HYOU1: variants seen among roughly 807,000 people sequenced by gnomAD.
HYOU1 encodes the protein hypoxia up-regulated protein 1.
A neutral mutation model predicts 120.5 loss-of-function variants in HYOU1; 40 were observed. The observed-to-expected ratio is 0.33, with a 90% CI of 0.26 to 0.43. The LOEUF (loss-of-function observed/expected upper bound fraction) is 0.43, where lower values mean the gene tolerates loss of function less well. Among genes scored for constraint, HYOU1 ranks in the 20% least tolerant of loss-of-function variants. The pLI, the probability that HYOU1 is intolerant of heterozygous loss-of-function variation, is 1.00. For synonymous variants in HYOU1, 501 were observed against 479.4 expected (o/e 1.05, Z -0.59); for missense variants, 1,085 against 1,278.3 (o/e 0.85, Z 2.31).
chr11:119,054,910 C>T (rs1473116035), intron 6 of HYOU1, 74 bp downstream of exon 6: 5 of 1,479,868 alleles, frequency 3.4e-6, no homozygotes, highest in South Asian at 1.2e-5. Context: ...GGGAGGCAAA[C>T]TTGCCCCTGT....
rs998070131 is a variant in HYOU1 at position 119,044,760 on chromosome 11, G to A, written c.*833C>T. On this transcript the variant is annotated 3_prime_UTR_variant, in exon 26 of 26. Transcript: ENST00000617285. ...GAGAGGAGGAGGCAGGGAGTTACAGGAACCTGGGGTACCAGGCTGCTGGGA... is the reference window on the plus strand; with the variant it reads ...GAGAGGAGGAGGCAGGGAGTTACAGAAACCTGGGGTACCAGGCTGCTGGGA... 16 of 200,776 alleles carry A rather than the reference G, an allele frequency of 8.0e-5. No homozygotes were observed. Among genetic ancestry groups the A allele is most frequent in the Non-Finnish European group, 1.5e-4 (14 of 93,954 alleles). The allele number at this position is 200,776 out of a possible 1,614,324, so 12.4% of individuals were successfully genotyped here.
rs1463209353 is a variant in HYOU1 at position 119,051,179 on chromosome 11, T to G, written c.1527-6A>C. 6 of 1,614,202 alleles carry G rather than the reference T, an allele frequency of 3.7e-6. No homozygotes were observed. In the South Asian group the frequency reaches 4.4e-5, roughly 12 times the overall value. On this transcript the variant is annotated splice_polypyrimidine_tract_variant and splice_region_variant and intron_variant, in intron 13 of 25. Coordinates refer to ENST00000617285, the MANE Select transcript of HYOU1 (RefSeq NM_006389.5). This position sits in a 1 kb window ranked among gnomAD's most constrained non-coding sequence, Gnocchi z 4.2. ...GATTCTGGGAGCCAAATACCCTGGT[T>G]GGGAAGGAAAGAGGAGTTCAGGGGG...
Position 119,049,932 on chromosome 11 carries a change from T to G in HYOU1, c.1666-95A>C, listed in dbSNP as rs1400402573. 7 of 1,101,516 alleles carry G rather than the reference T, an allele frequency of 6.4e-6. No homozygotes were observed. The Admixed American group carries it at 8.4e-5, about 13-fold the overall frequency. 68.2% of individuals were successfully genotyped at this position (1,101,516 alleles called of 1,614,324 possible). A position where few individuals can be genotyped will look rare whatever the true frequency, so the allele number is the denominator to read the frequency against. ...TGGGTGTTTGCTTATGCACACTCCA[T>G]GCCGTCACAGGCCTAGTCTCTCACC... On this transcript the variant is annotated intron_variant, in intron 14 of 25. Transcript: ENST00000617285.
In HYOU1 at chr11:119,056,171, G is replaced by A; in HGVS notation, c.-7-4C>T. ...AACTTTGTCTGCCATAGTGCCCCTG[G>A]GGGAGGCGAAGAAAGAAAACACTTA... On this transcript the variant is annotated splice_region_variant and splice_polypyrimidine_tract_variant and intron_variant, in intron 1 of 25. Transcript: ENST00000617285. 2 of 1,609,358 alleles carry A rather than the reference G, an allele frequency of 1.2e-6. No individual in the cohort carries two copies. The highest frequency in any genetic ancestry group is 1.7e-6 in the Non-Finnish European group (2 of 1,176,462).
At position 119,050,947 on chromosome 11, in the gene HYOU1, T is replaced by C. The variant is rs1470548574; in HGVS notation, c.1665+88A>G. The C allele has an allele frequency of 2.7e-6, 4 of 1,498,870 alleles. No individual in the cohort carries two copies. In the Admixed American group the frequency reaches 6.0e-5, roughly 22 times the overall value. 92.8% of individuals were successfully genotyped at this position (1,498,870 alleles called of 1,614,324 possible). A position where few individuals can be genotyped will look rare whatever the true frequency, so the allele number is the denominator to read the frequency against. On this transcript the variant is annotated intron_variant, in intron 14 of 25. Transcript: ENST00000617285. ...ATTCCTAAACCTTTTTTGGTTATCT[T>C]ATCCTAATGCCATGTGGAACCCACT...
At chr11:119,053,830 A>G (rs554100401) in intron 8 of HYOU1, 1 of 289,582 alleles carries the variant, frequency 3.5e-6, no homozygotes, top group Non-Finnish European at 6.4e-6. Flanking sequence ...TGGAAATGAC[A>G]AGAGAACAAA....
Position 119,054,968 on chromosome 11 carries a change from C to T in HYOU1, c.496+16G>A, listed in dbSNP as rs2133609104. ...CTGGGGAGCCTGGCCCTAAGGGCCC[C>T]ACCTTGACCACTCACCTGCAAAATC... is the stretch of plus-strand genomic sequence containing the variant. On this transcript the variant is annotated intron_variant, in intron 6 of 25. Transcript: ENST00000617285. 6.2e-7 allele frequency: 1 copy of T among 1,612,964 alleles called. No individual in the cohort carries two copies. The highest frequency in any genetic ancestry group is 1.1e-5 in the South Asian group (1 of 91,074).
In HYOU1 at chr11:119,050,954, A is replaced by C. The variant is rs1257225620; in HGVS notation, c.1665+81T>G. ...AACCTTTTTTGGTTATCTTATCCTA[A>C]TGCCATGTGGAACCCACTTTGGAAA... On this transcript the variant is annotated intron_variant, in intron 14 of 25. Transcript: ENST00000617285. The C allele has an allele frequency of 8.5e-6, 13 of 1,535,106 alleles. No individual in the cohort carries two copies. In the Admixed American group the frequency reaches 2.4e-4, roughly 28 times the overall value.
chr11:119,050,974 T>C (rs1944406105), intron 14 of HYOU1, 61 bp downstream of exon 14: 1 of 1,592,398 alleles, frequency 6.3e-7, no homozygotes, highest in African/African-American at 1.3e-5. Context: ...GAACCCACTT[T>C]GGAAATGGCT....
In HYOU1 at chr11:119,046,907, A is replaced by G. The variant is rs2133554314; in HGVS notation, c.2596-105T>C. 2.1e-6 allele frequency: 3 copies of G among 1,429,320 alleles called. No homozygotes were observed. The East Asian group carries it at 6.8e-5, about 33-fold the overall frequency. The allele number at this position is 1,429,320 out of a possible 1,614,324, so 88.5% of individuals were successfully genotyped here. A position where few individuals can be genotyped will look rare whatever the true frequency, so the allele number is the denominator to read the frequency against. On this transcript the variant is annotated intron_variant, in intron 22 of 25. Transcript: ENST00000617285. ...AACCAGCCTCTTCCCTCAGACTGCA[A>G]ATCACTGCCACCCCTGGCCTCAGCC...
intron 24 of HYOU1, 76 bp from the exon 25 acceptor site, chr11:119,045,907 T>G: frequency 7.1e-7 from 1 of 1,412,516 alleles, no homozygotes; most frequent in Admixed American, 1.9e-5. Context: ...AGTTTTTCCA[T>G]GAAGAGCCAG....
Position 119,052,269 on chromosome 11 carries a change from A to G in HYOU1, c.1122+26T>C, listed in dbSNP as rs1944489364. 6.2e-7 allele frequency: 1 copy of G among 1,614,004 alleles called. No homozygotes were observed. The highest frequency in any genetic ancestry group is 1.1e-5 in the South Asian group (1 of 91,074). On this transcript the variant is annotated intron_variant, in intron 10 of 25. Coordinates refer to ENST00000617285, the MANE Select transcript of HYOU1 (RefSeq NM_006389.5). This position sits in a 1 kb window ranked among gnomAD's most constrained non-coding sequence, Gnocchi z 5.0. ...TTTCCTATGCCCTTTCCTACGGGGC[A>G]TTCCCGCCTTCCCCTACTCGCTCAC...
At position 119,048,497 on chromosome 11, in the gene HYOU1, T is replaced by C; in HGVS notation, c.2232A>G (p.Glu744=). The change falls in exon 19 of 26, where the codon GAA becomes GAG. Residue 744 remains glutamate (E), a synonymous_variant. Transcript: ENST00000617285. This position sits in a 1 kb window ranked among gnomAD's most constrained non-coding sequence, Gnocchi z 4.7. ...TGACCTGGGTCTCAAATATGAATGC[T>C]TCCAAGCTGTTGGCAGCTTTTTCCC... The part of the protein sequence containing the change: ...QEREKAANSL[E]AFIFETQDKL... 6.2e-7 allele frequency: 1 copy of C among 1,613,964 alleles called. No homozygotes were observed.
intron 22 of HYOU1, 57 bp downstream of exon 22, chr11:119,047,677 C>G: frequency 7.0e-7 from 1 of 1,421,430 alleles, no homozygotes; most frequent in Non-Finnish European, 9.9e-7. Flanking sequence ...CTCCACCTCT[C>G]CCACAGTACC....
Position 119,045,819 on chromosome 11 carries a change from C to T in HYOU1, c.2900G>A (p.Gly967Glu), listed in dbSNP as rs1272622887. ...TCCTAACTCCAAAGGCTCAGTGTCT[C>T]CTGGCTCGGATCCTGCTTTGGGAAG... is the stretch of plus-strand genomic sequence containing the variant. ...PEKVETGSEP[G>E]DTEPLELGGP... The change falls in exon 25 of 26, where the codon GGA becomes GAA. Residue 967 changes from glycine (G) to glutamate (E), a missense_variant. Physicochemically the swap from Gly to Glu is moderately conservative, Grantham distance 98. This residue lies in a region of HYOU1 where 516 missense variants were observed against 517.1 expected (regional missense o/e 1.00). Transcript: ENST00000617285. 6.2e-7 allele frequency: 1 copy of T among 1,612,640 alleles called. No homozygotes were observed. The highest frequency in any genetic ancestry group is 1.3e-5 in the African/African-American group (1 of 74,762).
Position 119,052,891 on chromosome 11 carries a change from G to A in HYOU1, c.795-62C>T, listed in dbSNP as rs1944531722. 1 of 1,462,256 alleles carries A rather than the reference G, an allele frequency of 6.8e-7. No homozygotes were observed. The highest frequency in any genetic ancestry group is 2.1e-5 in the Admixed American group (1 of 46,842). The allele number at this position is 1,462,256 out of a possible 1,614,324, so 90.6% of individuals were successfully genotyped here. On this transcript the variant is annotated intron_variant, in intron 8 of 25. Transcript: ENST00000617285. This position sits in a 1 kb window ranked among gnomAD's most constrained non-coding sequence, Gnocchi z 5.0. Reference sequence around the variant, plus strand: ...CACATGGAGTCCCCGCATCTGCACAGGAGCCTCTCATCCCCACATGGCACC... The same window carrying A: ...CACATGGAGTCCCCGCATCTGCACAAGAGCCTCTCATCCCCACATGGCACC...
At chr11:119,046,901 A>T in intron 22 of HYOU1, 99 bp from the exon 23 acceptor site, 1 of 1,435,860 alleles carries the variant, frequency 7.0e-7, no homozygotes, top group Non-Finnish European at 9.4e-7. Flanking sequence ...CTTCCCTCAG[A>T]CTGCAAATCA....
rs183206732 is a variant in HYOU1, at chr11:119,053,055, C to T, written c.795-226G>A. Reference sequence around the variant, plus strand: ...CATTCATTCGACAGTGTTTACTGAGCATTACTTATGTACTTCCCTCTGGGA... The same window carrying T: ...CATTCATTCGACAGTGTTTACTGAGTATTACTTATGTACTTCCCTCTGGGA... On this transcript the variant is annotated intron_variant, in intron 8 of 25. Coordinates refer to ENST00000617285, the MANE Select transcript of HYOU1 (RefSeq NM_006389.5). The T allele has an allele frequency of 1.1e-4, 54 of 513,068 alleles. 1 individual carries two copies. The highest frequency in any genetic ancestry group is 9.5e-4 in the African/African-American group (49 of 51,624). 31.8% of individuals were successfully genotyped at this position (513,068 alleles called of 1,614,324 possible).
chr11:119,051,601 C>T lies in HYOU1; in HGVS notation c.1363G>A (p.Glu455Lys). ...ILVEFTREVE[E>K]EPGIHSLKHN... ...TTCAGGCTGTGAATCCCAGGCTCCT[C>T]CTCCACCTCCCTCGTGAACTCCACC... is the stretch of plus-strand genomic sequence containing the variant. Residue 455 changes from glutamate to lysine, a missense_variant, in exon 13 of 26, where the codon GAG becomes AAG. Coordinates refer to ENST00000617285, the MANE Select transcript of HYOU1 (RefSeq NM_006389.5). This position sits in a 1 kb window ranked among gnomAD's most constrained non-coding sequence, Gnocchi z 4.2. 3 of 1,614,086 alleles carry T rather than the reference C, an allele frequency of 1.9e-6. No homozygotes were observed. Among genetic ancestry groups the T allele is most frequent in the East Asian group, 2.2e-5 (1 of 44,870 alleles).
Sources: gnomAD v4.1 joint callset for allele counts on GRCh38, gnomAD v4.1.1 for gene constraint, gnomAD v4.1.1 regional missense constraint, Gnocchi (gnomAD v3.1) non-coding constraint, MANE v1.5 for transcripts, NCBI Gene and HGNC (gene_info 2026-07-23, HGNC 2026-07-21) for gene names.